Variants in AMZ1 observed in about 807,000 individuals in gnomAD.
The protein encoded by AMZ1 is archaemetzincin-1.
Under a neutral mutation model 29.9 loss-of-function variants are expected in AMZ1, and 39 were observed. That is an observed-to-expected ratio of 1.30 (90% CI 1.01 to 1.70). AMZ1 has a LOEUF of 1.70. Ranked by LOEUF, AMZ1 falls within the 40% of genes most tolerant of loss-of-function variation. The pLI, the probability that AMZ1 is intolerant of heterozygous loss-of-function variation, is 0.00. For synonymous variants in AMZ1, 458 were observed against 304.0 expected (o/e 1.51, Z -5.27); for missense variants, 1,041 against 680.6 (o/e 1.53, Z -5.89).
upstream of AMZ1, chr7:2,763,157 G>A: frequency 1.6e-5 from 19 of 1,171,916 alleles, no homozygotes; most frequent in Non-Finnish European, 1.9e-5. Context: ...ATATTCTGCT[G>A]ACAAGAGGTT....
At chr7:2,693,377 G>A (rs1787520655) in intron 1 of AMZ1, among the ~76,000 whole-genome samples, 1 of 151,864 alleles carries the variant, frequency 6.6e-6, no homozygotes, top group South Asian at 2.1e-4. Flanking sequence ...CACCGTGCCT[G>A]GTTGGTGGGA....
intron 3 of AMZ1, among the ~76,000 whole-genome samples, chr7:2,707,232 G>T (rs932662051): frequency 6.6e-6 from 1 of 151,068 alleles, no homozygotes; most frequent in Non-Finnish European, 1.5e-5. Flanking sequence ...GAGATAGATA[G>T]CGCCACTACA....
intron 1 of AMZ1, among the ~76,000 whole-genome samples, chr7:2,692,207 C>G (rs1313602399): frequency 2.6e-5 from 4 of 152,156 alleles, no homozygotes; most frequent in Non-Finnish European, 4.4e-5. Context: ...ACAGGTGGGA[C>G]CACACCCATC....
chr7:2,709,880 C>T, intron 6 of AMZ1, 64 bp downstream of exon 6: 1 of 1,581,504 alleles, frequency 6.3e-7, no homozygotes, highest in Admixed American at 1.8e-5. Flanking sequence ...GCGAGCGCCG[C>T]CTGGAGGCTA....
intron 1 of AMZ1, among the ~76,000 whole-genome samples, chr7:2,689,384 G>C (rs114470540): frequency 0.023 from 3,504 of 149,242 alleles, 132 homozygotes; most frequent in African/African-American, 0.078. Flanking sequence ...GGGGGGATGC[G>C]GACGTGCTCT....
At chr7:2,687,182 C>T (rs1021983725), upstream of AMZ1, among the ~76,000 whole-genome samples, 3 of 152,080 alleles carry the variant, frequency 2.0e-5, no homozygotes, top group Admixed American at 1.3e-4. Flanking sequence ...CAAAAATTAG[C>T]TGGACACAAT....
chr7:2,695,934 C>T (rs373351126), intron 1 of AMZ1, among the ~76,000 whole-genome samples: 124 of 150,300 alleles, frequency 8.3e-4, no homozygotes, highest in Non-Finnish European at 1.5e-3. Context: ...CGCTTGAACC[C>T]GGAGGCGGAG....
At chr7:2,704,979 C>T (rs575425833) in intron 3 of AMZ1, among the ~76,000 whole-genome samples, 12 of 152,282 alleles carry the variant, frequency 7.9e-5, no homozygotes, top group South Asian at 2.1e-4. Context: ...GTTGCTTGAC[C>T]GTCTGTCCGA....
chr7:2,722,914 G>A (rs1219582102), downstream of AMZ1, among the ~76,000 whole-genome samples: 1 of 152,108 alleles, frequency 6.6e-6, no homozygotes, highest in East Asian at 1.9e-4. Context: ...GGAGTTTTGA[G>A]GCTGCGATGA....
rs778403754 is a variant in AMZ1 at position 2,700,694 on chromosome 7, C to T, written c.243C>T (p.His81=). The T allele has an allele frequency of 1.3e-5, 21 of 1,612,958 alleles. 1 individual carries two copies. The highest frequency in any genetic ancestry group is 6.7e-5 in the Admixed American group (4 of 60,012). The change falls in exon 2 of 7, where the codon CAC becomes CAT. Residue 81 remains histidine, a synonymous_variant. Transcript: ENST00000683327. ...PEAPEDFQTF[H]ASLQHRKPRL... ...CTCCCGAGGACTTCCAGACCTTCCA[C>T]GCCTCCCTGCAGCACCGGAAGCCCC...
chr7:2,706,639 C>G (rs758319514), intron 3 of AMZ1, among the ~76,000 whole-genome samples: 2 of 152,220 alleles, frequency 1.3e-5, no homozygotes, highest in Non-Finnish European at 2.9e-5. Context: ...TTTGACTTCC[C>G]GTGAGCTTTA....
chr7:2,723,579 G>A (rs984425146), downstream of AMZ1, among the ~76,000 whole-genome samples: 4 of 152,200 alleles, frequency 2.6e-5, no homozygotes, highest in Non-Finnish European at 4.4e-5. Context: ...GAGGAGGGGT[G>A]CCACAGTCTC....
intron 3 of AMZ1, among the ~76,000 whole-genome samples, chr7:2,707,295 A>G (rs28606060): frequency 6.7e-6 from 1 of 149,024 alleles, no homozygotes; most frequent in Non-Finnish European, 1.5e-5. Flanking sequence ...AAAACAAAAA[A>G]ACACACACAC....
downstream of AMZ1, among the ~76,000 whole-genome samples, chr7:2,723,575 G>A (rs531002341): frequency 2.0e-5 from 3 of 152,306 alleles, no homozygotes; most frequent in East Asian, 5.8e-4. Flanking sequence ...GGAGGAGGAG[G>A]GGTGCCACAG....
intron 4 of AMZ1, among the ~76,000 whole-genome samples, chr7:2,757,975 G>A (rs1791383790): frequency 6.6e-6 from 1 of 152,164 alleles, no homozygotes; most frequent in South Asian, 2.1e-4. Flanking sequence ...CCCTGCAAAT[G>A]TAGCTGCCTG....
At chr7:2,755,602 T>G (rs932245868) in intron 4 of AMZ1, among the ~76,000 whole-genome samples, 13 of 152,254 alleles carry the variant, frequency 8.5e-5, no homozygotes, top group African/African-American at 3.1e-4. Context: ...TCTTGTATCC[T>G]GTAGCCTTGC....
chr7:2,726,059 G>A (rs1031000611), intron 4 of AMZ1, among the ~76,000 whole-genome samples: 1 of 152,202 alleles, frequency 6.6e-6, no homozygotes, highest in Non-Finnish European at 1.5e-5. Flanking sequence ...AAAGTGGCCT[G>A]TCCTCTTCAA....
rs1368786149 is a variant in AMZ1 at position 2,718,153 on chromosome 7, G to T, written c.*5275G>T. Among the ~76,000 whole-genome samples, 2 of 152,176 alleles carry T rather than the reference G, an allele frequency of 1.3e-5. No homozygotes were observed. Among genetic ancestry groups the T allele is most frequent in the East Asian group, 3.9e-4 (2 of 5,194 alleles). On this transcript the variant is annotated 3_prime_UTR_variant, in exon 7 of 7. Coordinates refer to ENST00000683327, the MANE Select transcript of AMZ1 (RefSeq NM_001384743.1). ...GCCTCCCTCGATGCCTGCTCCCTGG[G>T]CTTTTTAATGAACGCACTTCTGTCA...
chr7:2,710,949 G>GGTC (rs1788736115), intron 6 of AMZ1, among the ~76,000 whole-genome samples: 1 of 152,174 alleles, frequency 6.6e-6, no homozygotes, highest in Admixed American at 6.5e-5. Context: ...GGGGCAGCTT[G>GGTC]GTCTGCAGAA....
Sources: gnomAD v4.1 joint callset for allele counts (sites outside exome capture counted in the v4.1 genomes callset) on GRCh38, gnomAD v4.1.1 for gene constraint, MANE v1.5 for transcripts, NCBI Gene and HGNC (gene_info 2026-07-23, HGNC 2026-07-21) for gene names.